Variants in MEF2A observed in about 807,000 individuals in gnomAD.
The protein encoded by MEF2A is myocyte enhancer factor 2A, also known as myocyte-specific enhancer factor 2A.
Under a neutral mutation model 55.8 loss-of-function variants are expected in MEF2A, and 28 were observed. That is an observed-to-expected ratio of 0.50 (90% CI 0.37 to 0.69). The LOEUF (loss-of-function observed/expected upper bound fraction) is 0.69. MEF2A is among the 30% of genes least tolerant of loss of function. The pLI, the probability that MEF2A is intolerant of heterozygous loss-of-function variation, is 0.00. For missense variants in MEF2A, 528 were observed against 626.2 expected (o/e 0.84, Z 1.67); for synonymous variants, 239 against 227.1 (o/e 1.05, Z -0.47).
chr15:99,686,408 G>A (rs1460173749), intron 7 of MEF2A, among the ~76,000 whole-genome samples: 1 of 151,980 alleles, frequency 6.6e-6, no homozygotes, highest in African/African-American at 2.4e-5. Context: ...TGGTTGTGCT[G>A]GCTTAGTAGT....
chr15:99,623,864 A>G (rs62040140), intron 2 of MEF2A, among the ~76,000 whole-genome samples: 55,342 of 150,414 alleles, frequency 0.37, 12,475 homozygotes, highest in Non-Finnish European at 0.5. Flanking sequence ...CTGGAGTGCA[A>G]TGGTGCGATC....
chr15:99,650,443 ATAGGTAT>A, intron 4 of MEF2A, among the ~76,000 whole-genome samples: 1 of 152,336 alleles, frequency 6.6e-6, no homozygotes. Flanking sequence ...AGTAAGAATG[ATAGGTAT>A]TATTAAGCAC....
chr15:99,603,467 G>T (rs1323249635), intron 2 of MEF2A, among the ~76,000 whole-genome samples: 2 of 150,214 alleles, frequency 1.3e-5, no homozygotes, highest in African/African-American at 4.9e-5. Flanking sequence ...CCACCTCCTG[G>T]CTACAAGCAA....
chr15:99,621,957 AAGTAAAGTTTACCCCC>A (rs1266452015), intron 2 of MEF2A, among the ~76,000 whole-genome samples: 1 of 152,172 alleles, frequency 6.6e-6, no homozygotes, highest in Admixed American at 6.5e-5. Flanking sequence ...TCAGTTTAAA[AAGTAAAGTTTACCCCC>A]TGTTTAAAGT....
chr15:99,647,971 G>A (rs1019486453), intron 4 of MEF2A, among the ~76,000 whole-genome samples: 1 of 152,120 alleles, frequency 6.6e-6, no homozygotes, highest in African/African-American at 2.4e-5. Flanking sequence ...TGAAGATGAT[G>A]CAGCCTACAT....
intron 4 of MEF2A, among the ~76,000 whole-genome samples, chr15:99,646,960 A>T (rs1596766447): frequency 2.6e-5 from 4 of 152,188 alleles, no homozygotes; most frequent in Admixed American, 2.6e-4. Flanking sequence ...CCATAGTTTT[A>T]TTTATGGGGC....
chr15:99,703,812 A>G (rs1419676838), intron 9 of MEF2A, among the ~76,000 whole-genome samples: 1 of 152,130 alleles, frequency 6.6e-6, no homozygotes, highest in African/African-American at 2.4e-5. Flanking sequence ...TGGTGAGGTC[A>G]CCTTTTTCAG....
chr15:99,579,678 G>A (rs189374263), intron 1 of MEF2A, among the ~76,000 whole-genome samples: 19 of 152,330 alleles, frequency 1.2e-4, no homozygotes, highest in Non-Finnish European at 1.5e-5. Context: ...TTACAGGCGT[G>A]AGTCACTGTG....
At position 99,713,924 on chromosome 15, in the gene MEF2A, A is replaced by G. The variant is rs2058908096; in HGVS notation, c.*1153A>G. Reference sequence around the variant, plus strand: ...TTGTATGGTCACCAGATTAAAAAGTATATTTTTGTGGATTGCCGCCAATCT... The same window carrying G: ...TTGTATGGTCACCAGATTAAAAAGTGTATTTTTGTGGATTGCCGCCAATCT... On this transcript the variant is annotated 3_prime_UTR_variant, in exon 12 of 12. Coordinates refer to ENST00000557942, the MANE Select transcript of MEF2A (RefSeq NM_001319206.4). 6.6e-6 allele frequency: 1 copy of G among 152,252 alleles called. No homozygotes were observed. The highest frequency in any genetic ancestry group is 1.5e-5 in the Non-Finnish European group (1 of 68,038). 9.4% of individuals were successfully genotyped at this position (152,252 alleles called of 1,614,324 possible). A position where few individuals can be genotyped will look rare whatever the true frequency, so the allele number is the denominator to read the frequency against.
chr15:99,662,440 C>T (rs2048809744), intron 4 of MEF2A, among the ~76,000 whole-genome samples: 1 of 150,854 alleles, frequency 6.6e-6, no homozygotes, highest in African/African-American at 2.4e-5. Flanking sequence ...AATCTAGTTT[C>T]AATTTCCTGA....
chr15:99,691,886 A>G (rs1474133060), intron 8 of MEF2A, among the ~76,000 whole-genome samples: 1 of 152,134 alleles, frequency 6.6e-6, no homozygotes, highest in Non-Finnish European at 1.5e-5. Context: ...TTAGGGTTCT[A>G]GTCTCATTTG....
chr15:99,674,671 C>A, intron 6 of MEF2A, 59 bp downstream of exon 6: 1 of 1,358,952 alleles, frequency 7.4e-7, no homozygotes, highest in African/African-American at 1.4e-5. Context: ...AAATTCATTG[C>A]TAACATAAGC....
intron 2 of MEF2A, among the ~76,000 whole-genome samples, chr15:99,605,601 G>C (rs536232357): frequency 1.3e-5 from 2 of 151,618 alleles, no homozygotes; most frequent in Non-Finnish European, 2.9e-5. Flanking sequence ...AAGTAAATTG[G>C]TATGCTTTTT....
At chr15:99,619,143 A>G (rs1289707639) in intron 2 of MEF2A, among the ~76,000 whole-genome samples, 1 of 152,134 alleles carries the variant, frequency 6.6e-6, no homozygotes, top group Non-Finnish European at 1.5e-5. Flanking sequence ...TTTATAGTCA[A>G]CGCTCCTTTG....
At chr15:99,673,757 T>G (rs1202031575) in intron 5 of MEF2A, among the ~76,000 whole-genome samples, 7 of 152,182 alleles carry the variant, frequency 4.6e-5, no homozygotes, top group Non-Finnish European at 8.8e-5. Context: ...AAAAACTTTA[T>G]TACTTTTATT....
intron 2 of MEF2A, among the ~76,000 whole-genome samples, chr15:99,614,948 C>T (rs2039945324): frequency 6.6e-6 from 1 of 152,196 alleles, no homozygotes; most frequent in South Asian, 2.1e-4. Flanking sequence ...CAGAGCCTTA[C>T]AGGCCATGTT....
At chr15:99,596,575 T>G (rs1378988024) in intron 1 of MEF2A, among the ~76,000 whole-genome samples, 3 of 152,190 alleles carry the variant, frequency 2.0e-5, no homozygotes, top group African/African-American at 7.2e-5. Context: ...CTGAATCAGA[T>G]TCAAAAGATT....
At chr15:99,595,160 C>G (rs1402838685) in intron 1 of MEF2A, among the ~76,000 whole-genome samples, 1 of 152,156 alleles carries the variant, frequency 6.6e-6, no homozygotes, top group East Asian at 1.9e-4. Flanking sequence ...TGCGTTCCCT[C>G]TTGAGAATAG....
chr15:99,591,859 TC>T (rs1969406736), intron 1 of MEF2A, among the ~76,000 whole-genome samples: 1 of 152,182 alleles, frequency 6.6e-6, no homozygotes, highest in Non-Finnish European at 1.5e-5. Context: ...TCTTTTTTGT[TC>T]CTTTAAAAAA....
Sources: gnomAD v4.1 joint callset for allele counts (sites outside exome capture counted in the v4.1 genomes callset) on GRCh38, gnomAD v4.1.1 for gene constraint, MANE v1.5 for transcripts, NCBI Gene and HGNC (gene_info 2026-07-23, HGNC 2026-07-21) for gene names.